The following DOCK7 variants were observed in gnomAD, a reference collection of about 807,000 sequenced individuals.
DOCK7 encodes dedicator of cytokinesis 7.
DOCK7 carries 138 observed loss-of-function variants against 271.0 expected under a neutral mutation model. The ratio of observed to expected loss-of-function variants is 0.51; its 90% CI spans 0.44 to 0.59. The LOEUF is 0.59. Ranked by LOEUF, DOCK7 falls within the 20% of genes least tolerant of loss-of-function variation. The pLI is 0.00. For synonymous variants in DOCK7, 823 were observed against 876.1 expected (o/e 0.94, Z 1.07); for missense variants, 2,066 against 2,592.4 (o/e 0.80, Z 4.41).
At chr1:62,564,003 T>C (rs1646426858) in intron 18 of DOCK7, among the ~76,000 whole-genome samples, 1 of 150,342 alleles carries the variant, frequency 6.7e-6, no homozygotes, top group Non-Finnish European at 1.5e-5. Context: ...AAGGGATCAA[T>C]GCAATAACAA....
At chr1:62,635,113 C>T (rs1655098631) in intron 8 of DOCK7, 191 bp from the exon 9 acceptor site, 1 of 386,632 alleles carries the variant, frequency 2.6e-6, no homozygotes, top group Non-Finnish European at 4.6e-6. Flanking sequence ...TTTTTAAAAA[C>T]ATTCATGTTA....
intron 48 of DOCK7, among the ~76,000 whole-genome samples, chr1:62,460,656 C>A (rs12084812): frequency 6.6e-6 from 1 of 150,788 alleles, no homozygotes; most frequent in Admixed American, 6.6e-5. Flanking sequence ...AAGTATTTTT[C>A]TTTTTTTCTT....
Position 62,488,954 on chromosome 1 carries a change from A to C in DOCK7, c.5473T>G (p.Phe1825Val). Reference sequence around the variant, plus strand: ...ATTACCTGATGAACAATTTTGCTGAATGCTTCTTGAAGTTTACCATGAATT... The same window carrying C: ...ATTACCTGATGAACAATTTTGCTGACTGCTTCTTGAAGTTTACCATGAATT... ...STIHGKLQEAFSKIVHQSTGW... is the reference protein window; with the variant it reads ...STIHGKLQEAVSKIVHQSTGW... The change falls in exon 42 of 50, where the codon TTC becomes GTC. Residue 1825 changes from phenylalanine to valine, a missense_variant. Coordinates refer to ENST00000635253, the MANE Select transcript of DOCK7 (RefSeq NM_001367561.1). The C allele has an allele frequency of 6.2e-7, 1 of 1,613,754 alleles. No individual in the cohort carries two copies. Among genetic ancestry groups the C allele is most frequent in the Non-Finnish European group, 8.5e-7 (1 of 1,179,850 alleles).
At chr1:62,471,348 A>G (rs1645825294) in intron 48 of DOCK7, among the ~76,000 whole-genome samples, 1 of 152,168 alleles carries the variant, frequency 6.6e-6, no homozygotes, top group African/African-American at 2.4e-5. Context: ...AGAATGTACT[A>G]CATACTGTGA....
At chr1:62,607,965 C>T (rs111426077) in intron 14 of DOCK7, 1 of 152,216 alleles carries the variant, frequency 6.6e-6, no homozygotes, top group Non-Finnish European at 1.5e-5. Context: ...GCCTGTAATC[C>T]CAACTACTTG....
rs752268391 is a variant in DOCK7 at position 62,496,344 on chromosome 1, C to T, written c.4918G>A (p.Asp1640Asn). 5 of 1,612,950 alleles carry T rather than the reference C, an allele frequency of 3.1e-6. No homozygotes were observed. The Admixed American group carries it at 8.3e-5, about 27-fold the overall frequency. The change falls in exon 38 of 50, where the codon GAT (aspartate) becomes AAT (asparagine). Residue 1640 changes from aspartate to asparagine, a missense_variant. Physicochemically the swap from Asp to Asn is conservative, Grantham distance 23. This residue lies in a region of DOCK7 where 652 missense variants were observed against 922.1 expected (regional missense o/e 0.71). Transcript: ENST00000635253. ...TAGAAAGCAGCATTTCTGACCTGAT[C>T]AGGAAATGTTGTTTCCCTCAATTCC... ...DLELRETTFP[D>N]QVQDLVFNLH... is the part of the protein sequence containing the mutation.
At chr1:62,547,516 TTG>T (rs1645750801) in intron 22 of DOCK7, among the ~76,000 whole-genome samples, 1 of 152,194 alleles carries the variant, frequency 6.6e-6, no homozygotes, top group Admixed American at 6.5e-5. Context: ...ACATCAACAC[TTG>T]TGTTATATTA....
intron 28 of DOCK7, among the ~76,000 whole-genome samples, chr1:62,536,671 T>C (rs748731888): frequency 2.0e-5 from 3 of 152,208 alleles, no homozygotes; most frequent in Non-Finnish European, 4.4e-5. Flanking sequence ...AATTTTGTTT[T>C]TTAAATCACG....
At chr1:62,602,264 G>A (rs749489612) in intron 14 of DOCK7, 2 of 1,563,936 alleles carry the variant, frequency 1.3e-6, no homozygotes, top group African/African-American at 2.7e-5. Context: ...AAAAATACAT[G>A]ATTTCATTCA....
At chr1:62,482,915 CTT>C (rs1646170430) in intron 43 of DOCK7, 1 of 152,116 alleles carries the variant, frequency 6.6e-6, no homozygotes, top group Admixed American at 6.5e-5. Flanking sequence ...TACTCCATTT[CTT>C]ATCAGAAGGA....
At chr1:62,455,802 T>C (rs1326671944) in intron 49 of DOCK7, among the ~76,000 whole-genome samples, 1 of 152,174 alleles carries the variant, frequency 6.6e-6, no homozygotes, top group Non-Finnish European at 1.5e-5. Context: ...GTTTATTAAA[T>C]TTTAAGTCTT....
At chr1:62,494,059 A>C (rs902403159) in intron 40 of DOCK7, among the ~76,000 whole-genome samples, 2 of 152,246 alleles carry the variant, frequency 1.3e-5, no homozygotes, top group Admixed American at 1.3e-4. Context: ...AGTGCTGATA[A>C]TTCAGAGGTA....
intron 18 of DOCK7, among the ~76,000 whole-genome samples, chr1:62,567,246 A>T (rs1646548088): frequency 6.6e-6 from 1 of 152,224 alleles, no homozygotes; most frequent in South Asian, 2.1e-4. Context: ...ACACATACAC[A>T]CATATGTTTA....
intron 1 of DOCK7, among the ~76,000 whole-genome samples, chr1:62,667,594 A>G (rs1659463740): frequency 6.6e-6 from 1 of 152,234 alleles, no homozygotes; most frequent in African/African-American, 2.4e-5. Flanking sequence ...GCGTGCCTGC[A>G]GTCCCAGCCA....
At position 62,476,112 on chromosome 1, in the gene DOCK7, G is replaced by T; in HGVS notation, c.5679C>A (p.Ile1893=). Residue 1893 remains isoleucine (I), a synonymous_variant, in exon 45 of 50, where the codon ATC becomes ATA. Coordinates refer to ENST00000635253, the MANE Select transcript of DOCK7 (RefSeq NM_001367561.1). Reference sequence around the variant, plus strand: ...ACTTGTCTACAGGATTAGAGTCTTTGATTACTTCAACCACATCCTCTCCAA... The same window carrying T: ...ACTTGTCTACAGGATTAGAGTCTTTTATTACTTCAACCACATCCTCTCCAA... ...ERFGEDVVEV[I]KDSNPVDKCK... is the part of the protein sequence containing the mutation. 1 of 1,613,322 alleles carries T rather than the reference G, an allele frequency of 6.2e-7. No homozygotes were observed. Among genetic ancestry groups the T allele is most frequent in the Non-Finnish European group, 8.5e-7 (1 of 1,179,660 alleles).
intron 34 of DOCK7, among the ~76,000 whole-genome samples, chr1:62,509,867 C>T (rs1644431254): frequency 6.6e-6 from 1 of 152,084 alleles, no homozygotes; most frequent in Non-Finnish European, 1.5e-5. Context: ...TCTTGGTTTG[C>T]CTTAGGACAG....
chr1:62,552,111 T>C (rs540434439), intron 22 of DOCK7, among the ~76,000 whole-genome samples: 8 of 152,120 alleles, frequency 5.3e-5, no homozygotes, highest in African/African-American at 1.9e-4. Flanking sequence ...ATACAGTATA[T>C]AAATAATGCT....
chr1:62,653,669 T>A (rs1479390531), intron 4 of DOCK7, 56 bp downstream of exon 4: 7 of 1,135,514 alleles, frequency 6.2e-6, no homozygotes, highest in African/African-American at 1.5e-5. Context: ...TCTGCCTTAA[T>A]CCATTTAGAA....
rs753756416 is a variant in DOCK7 at position 62,495,531 on chromosome 1, G to A, written c.5024+50C>T. 5 of 1,205,326 alleles carry A rather than the reference G, an allele frequency of 4.1e-6. No homozygotes were observed. In the Admixed American group the frequency reaches 8.6e-5, roughly 21 times the overall value. 74.7% of individuals were successfully genotyped at this position (1,205,326 alleles called of 1,614,324 possible). A position where few individuals can be genotyped will look rare whatever the true frequency, so the allele number is the denominator to read the frequency against. ...TTTTTTCATCTAATGCTTACTGTAT[G>A]TCTTACTAAGTCCCTTATACAAAGC... On this transcript the variant is annotated intron_variant, in intron 39 of 49. Transcript: ENST00000635253.
Sources: gnomAD v4.1 joint callset for allele counts (sites outside exome capture counted in the v4.1 genomes callset) on GRCh38, gnomAD v4.1.1 for gene constraint, gnomAD v4.1.1 regional missense constraint, MANE v1.5 for transcripts, NCBI Gene and HGNC (gene_info 2026-07-23, HGNC 2026-07-21) for gene names.